The following PCDHGB3 variants were observed in gnomAD, a reference collection of about 807,000 sequenced individuals.
PCDHGB3 encodes the protein protocadherin gamma subfamily B, 3.
PCDHGB3 carries 40 observed loss-of-function variants against 59.2 expected under a neutral mutation model. That is an observed-to-expected ratio of 0.68 (90% CI 0.52 to 0.88). The LOEUF (loss-of-function observed/expected upper bound fraction) is 0.88, where lower values mean the gene tolerates loss of function less well. Among genes scored for constraint, PCDHGB3 ranks in the 40% least tolerant of loss-of-function variants. PCDHGB3 has a pLI of 0.00. For missense variants in PCDHGB3, 1,309 were observed against 1,187.9 expected (o/e 1.10, Z -1.50); for synonymous variants, 581 against 503.6 (o/e 1.15, Z -2.06).
chr5:141,375,643 CGACTAT>C, intron 1 of PCDHGB3: 1 of 1,614,210 alleles, frequency 6.2e-7, no homozygotes, highest in Non-Finnish European at 8.5e-7. Context: ...TGCGCTCCTT[CGACTAT>C]GAGCAGTTGA....
At chr5:141,444,670 C>G (rs1174911888) in intron 1 of PCDHGB3, among the ~76,000 whole-genome samples, 1 of 152,052 alleles carries the variant, frequency 6.6e-6, no homozygotes, top group African/African-American at 2.4e-5. Context: ...CCATTTTTTT[C>G]AATACCATTT....
chr5:141,426,719 A>G (rs776136674), intron 1 of PCDHGB3: 2 of 446,424 alleles, frequency 4.5e-6, no homozygotes, highest in Non-Finnish European at 9.1e-6. Context: ...ATGAACTAGC[A>G]ATTCCAGGCA....
chr5:141,371,107 ACC>A lies in PCDHGB3; in HGVS notation c.718_719del (p.Pro240SerfsTer28). ...GTAATTGTCGCAGATGCAAATGATA[ACC>A]CCCCAGTATTTACTCAGGACATGTA... On this transcript the variant is annotated frameshift_variant, in exon 1 of 4. Transcript: ENST00000576222. LOFTEE classifies it high-confidence loss of function. 6.2e-7 allele frequency: 1 copy of A among 1,613,650 alleles called. No homozygotes were observed. The highest frequency in any genetic ancestry group is 8.5e-7 in the Non-Finnish European group (1 of 1,179,716).
At chr5:141,469,081 A>C (rs1451214440) in intron 1 of PCDHGB3, among the ~76,000 whole-genome samples, 1 of 151,790 alleles carries the variant, frequency 6.6e-6, no homozygotes, top group Non-Finnish European at 1.5e-5. Context: ...GTTTGAGACC[A>C]TTCTAGGCAA....
intron 1 of PCDHGB3, chr5:141,396,060 G>C (rs1309175410): frequency 6.6e-6 from 1 of 152,200 alleles, no homozygotes; most frequent in African/African-American, 2.4e-5. Flanking sequence ...CCAATTAGCT[G>C]TTTCGGTTGT....
chr5:141,499,268 G>C (rs564234341), intron 2 of PCDHGB3, among the ~76,000 whole-genome samples: 1 of 152,224 alleles, frequency 6.6e-6, no homozygotes, highest in South Asian at 2.1e-4. Flanking sequence ...TTGGTCCCTA[G>C]ACTGTTCTCT....
At chr5:141,509,908 G>A (rs376035312) in intron 3 of PCDHGB3, among the ~76,000 whole-genome samples, 1 of 152,164 alleles carries the variant, frequency 6.6e-6, no homozygotes, top group African/African-American at 2.4e-5. Flanking sequence ...TCCAGCATGC[G>A]CTTAGGTACA....
chr5:141,507,251 A>G (rs958917337), intron 3 of PCDHGB3: 3 of 152,400 alleles, frequency 2.0e-5, no homozygotes, highest in Non-Finnish European at 4.4e-5. Context: ...TGAATGTCAG[A>G]TAAACAGCAA....
At chr5:141,410,776 A>G (rs2095422946) in intron 1 of PCDHGB3, 7 of 919,622 alleles carry the variant, frequency 7.6e-6, no homozygotes, top group South Asian at 4.0e-5. Context: ...AGTTTTCACT[A>G]TGTATTTGGT....
In PCDHGB3 at chr5:141,370,542, C is replaced by A; in HGVS notation, c.148C>A (p.Leu50Ile). The change falls in exon 1 of 4, where the codon CTC (leucine) becomes ATC (isoleucine). Residue 50 changes from leucine (L) to isoleucine (I), a missense_variant. By Grantham distance (5) the Leu-to-Ile change is conservative. Transcript: ENST00000576222. ...GGACAGGGGCTCGCTGGTAGGGAAC[C>A]TCGCCAAGGACCTGGGGTTTGGCGT... Reference protein sequence around the residue: ...ELDRGSLVGNLAKDLGFGVGD... With the variant: ...ELDRGSLVGNIAKDLGFGVGD... The A allele has an allele frequency of 6.2e-7, 1 of 1,613,902 alleles. No individual in the cohort carries two copies. The highest frequency in any genetic ancestry group is 8.5e-7 in the Non-Finnish European group (1 of 1,179,866).
intron 1 of PCDHGB3, among the ~76,000 whole-genome samples, chr5:141,397,601 T>C (rs1225684125): frequency 5.3e-5 from 8 of 152,198 alleles, no homozygotes; most frequent in Admixed American, 3.3e-4. Flanking sequence ...ATATTGCCAG[T>C]GACAAGGGCA....
intron 1 of PCDHGB3, among the ~76,000 whole-genome samples, chr5:141,420,581 C>T (rs1024544346): frequency 2.6e-5 from 4 of 151,994 alleles, no homozygotes; most frequent in Admixed American, 6.5e-5. Flanking sequence ...TAATTGAAAC[C>T]CTGATGCTAC....
chr5:141,377,906 C>T (rs777974750), intron 1 of PCDHGB3: 1 of 152,280 alleles, frequency 6.6e-6, no homozygotes, highest in Non-Finnish European at 1.5e-5. Context: ...GTTGCCCAGT[C>T]TGGAGTAAAA....
chr5:141,465,348 A>G (rs886810999), intron 1 of PCDHGB3, among the ~76,000 whole-genome samples: 2 of 152,158 alleles, frequency 1.3e-5, no homozygotes, highest in African/African-American at 4.8e-5. Flanking sequence ...GTTACTGAAG[A>G]AAAAATGGGT....
rs77976889 is a variant in PCDHGB3, at chr5:141,493,704, G to C, written c.2416-1103G>C. On this transcript the variant is annotated intron_variant, in intron 1 of 3. Transcript: ENST00000576222. This position sits in a 1 kb window ranked among gnomAD's most constrained non-coding sequence, Gnocchi z 4.3. ...GTGCTGGTGACTCCCGATACACCTG[G>C]AATGCTAGGTTTCTGGGTTCTGCTC... Among the ~76,000 whole-genome samples the C allele has an allele frequency of 1.7e-3, 258 of 152,278 alleles. 2 individuals are homozygous for C. The highest frequency in any genetic ancestry group is 5.7e-3 in the African/African-American group (237 of 41,540).
At chr5:141,430,715 A>T in intron 1 of PCDHGB3, 1 of 1,483,384 alleles carries the variant, frequency 6.7e-7, no homozygotes, top group Non-Finnish European at 8.9e-7. Context: ...TCCTGACTTC[A>T]GTGGTTAAGG....
At chr5:141,373,886 A>G in intron 1 of PCDHGB3, 1 of 500,972 alleles carries the variant, frequency 2.0e-6, no homozygotes, top group Non-Finnish European at 3.4e-6. Context: ...AATCAACGGA[A>G]ACTCAAGTTA....
At chr5:141,422,375 TCTC>T in intron 1 of PCDHGB3, 1 of 1,570,814 alleles carries the variant, frequency 6.4e-7, no homozygotes, top group Non-Finnish European at 8.6e-7. Context: ...AATGGTCAAG[TCTC>T]CTGTTTTATT....
chr5:141,409,697 C>A (rs372548874), intron 1 of PCDHGB3: 1 of 1,613,178 alleles, frequency 6.2e-7, no homozygotes, highest in African/African-American at 1.3e-5. Context: ...CCTAGAGCCC[C>A]TGGCGGTGTC....
Sources: allele counts gnomAD v4.1 joint callset (sites outside exome capture counted in the v4.1 genomes callset), GRCh38; gene constraint gnomAD v4.1.1; non-coding constraint Gnocchi (gnomAD v3.1); transcripts MANE v1.5; gene names NCBI Gene and HGNC (gene_info 2026-07-23, HGNC 2026-07-21).